The following ANO2 variants were observed in gnomAD, a reference collection of about 807,000 sequenced individuals.
The protein encoded by ANO2 is anoctamin-2.
Under a neutral mutation model 124.2 loss-of-function variants are expected in ANO2, and 101 were observed. That is an observed-to-expected ratio of 0.81 (90% CI 0.69 to 0.96). The LOEUF is 0.96. ANO2 is among the 40% of genes least tolerant of loss of function. The probability of loss-of-function intolerance (pLI) is 0.00; values close to 1 mark genes in which losing one functional copy is unlikely to be tolerated. For synonymous variants in ANO2, 486 were observed against 482.5 expected (o/e 1.01, Z -0.09); for missense variants, 1,293 against 1,274.5 (o/e 1.01, Z -0.22).
Position 5,658,487 on chromosome 12 carries a change from CAAT to C in ANO2, c.1546-10689_1546-10687del, listed in dbSNP as rs1457216181. On this transcript the variant is annotated intron_variant, in intron 14 of 24. Transcript: ENST00000682330. This position sits in a 1 kb window ranked among gnomAD's most constrained non-coding sequence, Gnocchi z 4.3. ...ATATCATCACTATCATCATCATCAT[CAAT>C]ATCATCGTATCAAAATCAATATAAT... Among the ~76,000 whole-genome samples the C allele has an allele frequency of 2.0e-5, 3 of 152,018 alleles. No homozygotes were observed. The highest frequency in any genetic ancestry group is 2.9e-5 in the Non-Finnish European group (2 of 68,018).
At chr12:5,638,277 C>T (rs1369267696) in intron 15 of ANO2, among the ~76,000 whole-genome samples, 1 of 144,564 alleles carries the variant, frequency 6.9e-6, no homozygotes, top group Non-Finnish European at 1.5e-5. Context: ...ACTCCGTCAC[C>T]CAGGTTGGAG....
intron 10 of ANO2, among the ~76,000 whole-genome samples, chr12:5,752,180 T>C (rs995699488): frequency 6.6e-5 from 10 of 152,224 alleles, no homozygotes; most frequent in African/African-American, 1.7e-4. Flanking sequence ...GCTATGAATA[T>C]AGGAGTGCAG....
rs746462052 is a variant in ANO2 at position 5,599,601 on chromosome 12, T to C, written c.2116A>G (p.Lys706Glu). The change falls in exon 20 of 25, where the codon AAA becomes GAA. Residue 706 changes from lysine (K) to glutamate (E), a missense_variant. Transcript: ENST00000682330. ...PKLKKLFRKL[K>E]DETEAGETDS... The stretch of plus-strand genomic sequence containing the variant: ...GTTTCTCCAGCTTCGGTCTCATCTT[T>C]CAGCTTTCGAAATAGTTTCTTTAGC... The C allele has an allele frequency of 6.8e-6, 11 of 1,613,686 alleles. No individual in the cohort carries two copies. In the Admixed American group the frequency reaches 1.8e-4, roughly 27 times the overall value.
chr12:5,616,817 CACACTCTCCAGATCAGACTGTACA>C (rs1944831828), intron 16 of ANO2, among the ~76,000 whole-genome samples: 1 of 152,136 alleles, frequency 6.6e-6, no homozygotes, highest in East Asian at 1.9e-4. Flanking sequence ...GAGTTACTAC[CACACTCTCCAGATCAGACTGTACA>C]ACACTCTCCA....
chr12:5,896,600 G>A (rs767041772), intron 3 of ANO2, among the ~76,000 whole-genome samples: 4 of 152,106 alleles, frequency 2.6e-5, no homozygotes, highest in Admixed American at 6.5e-5. Flanking sequence ...GAACCTAAAT[G>A]GGATGGTAAC....
intron 13 of ANO2, 23 bp downstream of exon 13, chr12:5,739,294 G>T: frequency 6.4e-7 from 1 of 1,570,826 alleles, no homozygotes; most frequent in African/African-American, 1.3e-5. Context: ...AGAAGTATGT[G>T]AGAAATACGT....
intron 14 of ANO2, among the ~76,000 whole-genome samples, chr12:5,716,059 T>G (rs535410321): frequency 6.6e-6 from 1 of 152,228 alleles, no homozygotes; most frequent in Non-Finnish European, 1.5e-5. Flanking sequence ...TATTACAATT[T>G]ACATTAAAAA....
intron 14 of ANO2, among the ~76,000 whole-genome samples, chr12:5,692,700 G>A (rs1948995890): frequency 6.6e-6 from 1 of 152,130 alleles, no homozygotes; most frequent in Non-Finnish European, 1.5e-5. Context: ...GAAACAGCCT[G>A]ATTTTGTAGT....
chr12:5,669,543 A>G (rs1022678522), intron 14 of ANO2, among the ~76,000 whole-genome samples: 1 of 152,134 alleles, frequency 6.6e-6, no homozygotes, highest in Non-Finnish European at 1.5e-5. Context: ...CTCTTACCTG[A>G]TTGTCCTAGC....
intron 1 of ANO2, among the ~76,000 whole-genome samples, chr12:5,929,580 T>C (rs1486130909): frequency 2.3e-5 from 2 of 87,848 alleles, no homozygotes; most frequent in Admixed American, 1.2e-4. Flanking sequence ...GTCTGCCTTC[T>C]TTCCTTATTA....
chr12:5,836,617 C>G (rs909916863), intron 4 of ANO2, among the ~76,000 whole-genome samples: 1 of 152,200 alleles, frequency 6.6e-6, no homozygotes, highest in African/African-American at 2.4e-5. Context: ...CCCATGGAAC[C>G]TGTAGAAGTC....
chr12:5,784,194 A>G (rs112664633), intron 10 of ANO2, among the ~76,000 whole-genome samples: 7 of 151,518 alleles, frequency 4.6e-5, no homozygotes, highest in African/African-American at 1.7e-4. Flanking sequence ...TCTATACCCA[A>G]CTCATAGCAA....
intron 3 of ANO2, among the ~76,000 whole-genome samples, chr12:5,916,157 G>A (rs1941362456): frequency 1.3e-5 from 2 of 151,910 alleles, no homozygotes; most frequent in Non-Finnish European, 2.9e-5. Flanking sequence ...CACACCGCTG[G>A]TCCCAGCTAC....
At chr12:5,603,992 A>G (rs1944085834) in intron 19 of ANO2, among the ~76,000 whole-genome samples, 2 of 151,048 alleles carry the variant, frequency 1.3e-5, no homozygotes, top group African/African-American at 4.8e-5. Context: ...AAGTCTTGAA[A>G]GGTAGTGTAG....
intron 7 of ANO2, among the ~76,000 whole-genome samples, chr12:5,812,548 G>A (rs1184907348): frequency 3.8e-5 from 2 of 53,148 alleles, no homozygotes; most frequent in East Asian, 7.0e-4. Flanking sequence ...GCAGGCAAGC[G>A]AAGAAAGAAA....
chr12:5,827,916 C>T (rs541513457), intron 6 of ANO2, 96 bp from the exon 7 acceptor site: 2 of 1,392,528 alleles, frequency 1.4e-6, no homozygotes, highest in South Asian at 2.7e-5. Flanking sequence ...GCGGGAGGCG[C>T]CCGGGCTCAT....
rs1434991699 is a variant in ANO2, at chr12:5,563,252, G to A, written c.*47C>T. On this transcript the variant is annotated 3_prime_UTR_variant, in exon 25 of 25. Transcript: ENST00000682330. Reference sequence around the variant, plus strand: ...GGTGTAGGAACATGCTTACGTGCATGTGCGTGTCTCTGCTGCCGTGCCCTC... The same window carrying A: ...GGTGTAGGAACATGCTTACGTGCATATGCGTGTCTCTGCTGCCGTGCCCTC... 1.9e-6 allele frequency: 3 copies of A among 1,558,828 alleles called. No homozygotes were observed. The Admixed American group carries it at 5.4e-5, about 28-fold the overall frequency.
chr12:5,717,605 T>C (rs771143625), intron 14 of ANO2, among the ~76,000 whole-genome samples: 3 of 152,196 alleles, frequency 2.0e-5, no homozygotes, highest in Non-Finnish European at 4.4e-5. Flanking sequence ...CCAATCCTCT[T>C]GCCTCCAGAG....
intron 6 of ANO2, among the ~76,000 whole-genome samples, chr12:5,828,438 G>GA (rs1408570570): frequency 1.3e-5 from 2 of 152,228 alleles, no homozygotes; most frequent in African/African-American, 4.8e-5. Flanking sequence ...CCGTGCACAG[G>GA]AAAGTGCTCT....
Sources: gnomAD v4.1 joint callset for allele counts (sites outside exome capture counted in the v4.1 genomes callset) on GRCh38, gnomAD v4.1.1 for gene constraint, Gnocchi (gnomAD v3.1) non-coding constraint, MANE v1.5 for transcripts, NCBI Gene and HGNC (gene_info 2026-07-23, HGNC 2026-07-21) for gene names.